The following GRIK3 variants were observed in gnomAD, a reference collection of about 807,000 sequenced individuals.
GRIK3 encodes glutamate receptor ionotropic, kainate 3.
Under a neutral mutation model 102.5 loss-of-function variants are expected in GRIK3, and 29 were observed. The observed-to-expected ratio is 0.28, with a 90% confidence interval of 0.21 to 0.39. The LOEUF (loss-of-function observed/expected upper bound fraction) is 0.39. Ranked by LOEUF, GRIK3 falls within the 10% of genes least tolerant of loss-of-function variation. The probability of loss-of-function intolerance (pLI) is 1.00; values close to 1 mark genes in which losing one functional copy is unlikely to be tolerated. For synonymous variants in GRIK3, 511 were observed against 504.9 expected (o/e 1.01, Z -0.16); for missense variants, 908 against 1,252.4 (o/e 0.73, Z 4.15).
intron 1 of GRIK3, among the ~76,000 whole-genome samples, chr1:37,024,549 C>T (rs2124082455): frequency 6.6e-6 from 1 of 151,172 alleles, no homozygotes; most frequent in South Asian, 2.1e-4. Context: ...GTTCGACCAG[C>T]CTGGCCAATA....
At chr1:36,886,612 A>T (rs533326391) in intron 2 of GRIK3, among the ~76,000 whole-genome samples, 1 of 152,366 alleles carries the variant, frequency 6.6e-6, no homozygotes, top group Admixed American at 6.5e-5. Flanking sequence ...ATGTCATCAC[A>T]GGGACATTGA....
At chr1:36,964,501 T>C (rs749863050) in intron 1 of GRIK3, among the ~76,000 whole-genome samples, 2 of 152,230 alleles carry the variant, frequency 1.3e-5, no homozygotes, top group Admixed American at 6.5e-5. Context: ...TCTGCCCTTC[T>C]GATAAAATCA....
chr1:36,975,808 T>C lies in GRIK3; in HGVS notation c.115+58186A>G, dbSNP rs146478198. 4.6e-3 allele frequency among the ~76,000 whole-genome samples: 696 copies of C among 152,302 alleles called. 6 individuals carry two copies. The highest frequency in any genetic ancestry group is 0.016 in the African/African-American group (666 of 41,566). ...CTGCAAATTCTTATTTCCTTGTCTGTTTCCCCACTGGCCTGTAGGTCACAT... is the reference window on the plus strand; with the variant it reads ...CTGCAAATTCTTATTTCCTTGTCTGCTTCCCCACTGGCCTGTAGGTCACAT... On this transcript the variant is annotated intron_variant, in intron 1 of 15. Transcript: ENST00000373091.
chr1:36,918,575 T>C (rs1484349305), intron 1 of GRIK3, among the ~76,000 whole-genome samples: 1 of 152,202 alleles, frequency 6.6e-6, no homozygotes, highest in African/African-American at 2.4e-5. Context: ...TCCCACTGTA[T>C]GACAGATGAA....
chr1:36,842,016 G>T, intron 9 of GRIK3, 77 bp from the exon 10 acceptor site: 1 of 1,158,764 alleles, frequency 8.6e-7, no homozygotes, highest in Non-Finnish European at 1.3e-6. Context: ...GAGAGTCAGG[G>T]CTAGGACCTC....
At chr1:36,980,896 A>G (rs1467912125) in intron 1 of GRIK3, among the ~76,000 whole-genome samples, 1 of 152,122 alleles carries the variant, frequency 6.6e-6, no homozygotes, top group African/African-American at 2.4e-5. Context: ...TGAGGAAACT[A>G]AAGCTCCCAG....
intron 3 of GRIK3, among the ~76,000 whole-genome samples, chr1:36,879,993 G>C (rs140219323): frequency 6.6e-6 from 1 of 152,306 alleles, no homozygotes; most frequent in African/African-American, 2.4e-5. Context: ...AGTGTGGGTA[G>C]AGAAGAGTGT....
intron 1 of GRIK3, among the ~76,000 whole-genome samples, chr1:36,899,699 T>G (rs997686456): frequency 4.6e-5 from 7 of 152,160 alleles, no homozygotes; most frequent in Admixed American, 3.9e-4. Context: ...TTATTTGTAT[T>G]TTACCACAAT....
chr1:37,027,375 T>C (rs1488823250), intron 1 of GRIK3, among the ~76,000 whole-genome samples: 3 of 152,096 alleles, frequency 2.0e-5, no homozygotes, highest in Admixed American at 2.0e-4. Flanking sequence ...AATTAGGATT[T>C]GTCTCTGGAG....
At chr1:37,015,861 C>T (rs527483103) in intron 1 of GRIK3, among the ~76,000 whole-genome samples, 9 of 152,358 alleles carry the variant, frequency 5.9e-5, no homozygotes, top group South Asian at 2.1e-4. Context: ...GCGGCCACTG[C>T]GAGGACTACA....
At position 36,797,527 on chromosome 1, in the gene GRIK3, A is replaced by G. The variant is rs1642381520; in HGVS notation, c.*4324T>C. The G allele has an allele frequency of 6.6e-6, 1 of 152,040 alleles. No homozygotes were observed. The highest frequency in any genetic ancestry group is 1.5e-5 in the Non-Finnish European group (1 of 68,022). The allele number at this position is 152,040 out of a possible 1,614,324, so 9.4% of individuals were successfully genotyped here. On this transcript the variant is annotated 3_prime_UTR_variant, in exon 16 of 16. Transcript: ENST00000373091. ...TCCAGATGTGTCCACTTGACCTGCA[A>G]CTTTCAGATGTGTCTAATCCAGAGA...
chr1:37,031,747 C>G (rs1642830333), intron 1 of GRIK3, among the ~76,000 whole-genome samples: 1 of 152,224 alleles, frequency 6.6e-6, no homozygotes, highest in Non-Finnish European at 1.5e-5. Flanking sequence ...TGGGCCCAGC[C>G]AAGGTGGTGT....
chr1:37,006,673 C>T (rs1642536090), intron 1 of GRIK3, among the ~76,000 whole-genome samples: 1 of 152,254 alleles, frequency 6.6e-6, no homozygotes, highest in Admixed American at 6.5e-5. Context: ...GTGGGCTAGA[C>T]ATCAGAGCAG....
intron 3 of GRIK3, among the ~76,000 whole-genome samples, chr1:36,873,019 G>T (rs544835301): frequency 6.6e-6 from 1 of 152,260 alleles, no homozygotes; most frequent in South Asian, 2.1e-4. Flanking sequence ...CAGGTTTAGT[G>T]CAACCACCTC....
chr1:36,799,683 T>C lies in GRIK3; in HGVS notation c.*2168A>G, dbSNP rs1486848847. 1 of 152,200 alleles carries C rather than the reference T, an allele frequency of 6.6e-6. No homozygotes were observed. Among genetic ancestry groups the C allele is most frequent in the African/African-American group, 2.4e-5 (1 of 41,450 alleles). 9.4% of individuals were successfully genotyped at this position (152,200 alleles called of 1,614,324 possible). A position where few individuals can be genotyped will look rare whatever the true frequency, so the allele number is the denominator to read the frequency against. On this transcript the variant is annotated 3_prime_UTR_variant, in exon 16 of 16. Coordinates refer to ENST00000373091, the MANE Select transcript of GRIK3 (RefSeq NM_000831.4). Reference sequence around the variant, plus strand: ...CATATGCATACCCACCAGGGCCCCATTATGACATGGCTTCTCCTGTTTTTA... The same window carrying C: ...CATATGCATACCCACCAGGGCCCCACTATGACATGGCTTCTCCTGTTTTTA...
At chr1:36,931,227 G>A (rs1426697593) in intron 1 of GRIK3, among the ~76,000 whole-genome samples, 1 of 152,186 alleles carries the variant, frequency 6.6e-6, no homozygotes, top group African/African-American at 2.4e-5. Context: ...GATAAACAGG[G>A]AAATTCAATA....
At chr1:37,001,039 C>T (rs1382722930) in intron 1 of GRIK3, among the ~76,000 whole-genome samples, 1 of 152,218 alleles carries the variant, frequency 6.6e-6, no homozygotes, top group Admixed American at 6.5e-5. Context: ...TTTAAGCAGT[C>T]CCTGCTTCAG....
At position 36,891,039 on chromosome 1, in the gene GRIK3, T is replaced by C; in HGVS notation, c.173A>G (p.His58Arg). The C allele has an allele frequency of 6.2e-7, 1 of 1,614,112 alleles. No individual in the cohort carries two copies. The highest frequency in any genetic ancestry group is 8.5e-7 in the Non-Finnish European group (1 of 1,179,962). Residue 58 changes from histidine (H) to arginine (R), a missense_variant, in exon 2 of 16, where the codon CAT becomes CGT. Transcript: ENST00000373091. The part of the protein sequence containing the change: ...PNAQVMNAEE[H>R]AFRFSANIIN... The stretch of plus-strand genomic sequence containing the variant: ...GATGTTGGCAGAAAATCGAAAGGCA[T>C]GCTCCTCGGCATTCATGACCTGGGC...
chr1:36,832,911 C>T (rs979187293), intron 10 of GRIK3, among the ~76,000 whole-genome samples: 13 of 152,200 alleles, frequency 8.5e-5, no homozygotes, highest in Non-Finnish European at 1.8e-4. Context: ...GGCCCCCCTG[C>T]CCCCAAGGCT....
Sources: allele counts gnomAD v4.1 joint callset (sites outside exome capture counted in the v4.1 genomes callset), GRCh38; gene constraint gnomAD v4.1.1; transcripts MANE v1.5; gene names NCBI Gene and HGNC (gene_info 2026-07-23, HGNC 2026-07-21).